The following WDR19 variants were observed in gnomAD, a reference collection of about 807,000 sequenced individuals.
WDR19 encodes WD repeat domain 19.
WDR19 carries 121 observed loss-of-function variants against 180.0 expected under a neutral mutation model. That is an observed-to-expected ratio of 0.67 (90% confidence interval 0.58 to 0.78). The LOEUF is 0.78. Among genes scored for constraint, WDR19 ranks in the 30% least tolerant of loss-of-function variants. The pLI is 0.00. For synonymous variants in WDR19, 497 were observed against 540.7 expected (o/e 0.92, Z 1.12); for missense variants, 1,450 against 1,640.7 (o/e 0.88, Z 2.01).
At chr4:39,198,593 C>A (rs1299426691) in intron 5 of WDR19, among the ~76,000 whole-genome samples, 1 of 142,068 alleles carries the variant, frequency 7.0e-6, no homozygotes, top group African/African-American at 2.6e-5. Flanking sequence ...GAGCCAGGCA[C>A]GGTGACTCGC....
intron 33 of WDR19, among the ~76,000 whole-genome samples, chr4:39,275,759 T>C (rs907037651): frequency 2.0e-5 from 3 of 152,110 alleles, no homozygotes; most frequent in Non-Finnish European, 4.4e-5. Context: ...GGCAAGGAGA[T>C]GGAGAGAAGC....
chr4:39,189,808 G>A (rs755485957), intron 4 of WDR19, 27 bp downstream of exon 4: 2 of 1,582,668 alleles, frequency 1.3e-6, no homozygotes, highest in African/African-American at 2.7e-5. Context: ...ATTTTTTAAA[G>A]CTTCACTTAG....
intron 14 of WDR19, among the ~76,000 whole-genome samples, chr4:39,223,926 C>T (rs1400222754): frequency 1.3e-5 from 2 of 152,038 alleles, no homozygotes; most frequent in East Asian, 1.9e-4. Flanking sequence ...GATATTAAAC[C>T]TTTATATCAG....
At chr4:39,212,731 G>A (rs969010339) in intron 9 of WDR19, among the ~76,000 whole-genome samples, 1 of 152,086 alleles carries the variant, frequency 6.6e-6, no homozygotes, top group Non-Finnish European at 1.5e-5. Flanking sequence ...AATATGTAAA[G>A]GACTCTCAAG....
intron 9 of WDR19, among the ~76,000 whole-genome samples, chr4:39,207,562 C>T (rs572512981): frequency 6.6e-6 from 1 of 152,170 alleles, no homozygotes; most frequent in African/African-American, 2.4e-5. Flanking sequence ...ATTTTCTCAC[C>T]GTAAAGCATT....
At position 39,285,671 on chromosome 4, in the gene WDR19, ATAT is replaced by A. The variant is rs1400002905; in HGVS notation, c.*203_*205del. 10 of 152,302 alleles carry A rather than the reference ATAT, an allele frequency of 6.6e-5. No individual in the cohort carries two copies. Among genetic ancestry groups the A allele is most frequent in the Admixed American group, 6.5e-4 (10 of 15,296 alleles). 9.4% of individuals were successfully genotyped at this position (152,302 alleles called of 1,614,324 possible). A position where few individuals can be genotyped will look rare whatever the true frequency, so the allele number is the denominator to read the frequency against. On this transcript the variant is annotated 3_prime_UTR_variant, in exon 37 of 37. Coordinates refer to ENST00000399820, the MANE Select transcript of WDR19 (RefSeq NM_025132.4). ...AACCTTGCTGTTTATTGTACTTTGT[ATAT>A]TATTTCCTCTTCAAAGTCTTTCTTA...
chr4:39,227,581 T>C (rs572999359), intron 15 of WDR19, among the ~76,000 whole-genome samples: 23 of 152,306 alleles, frequency 1.5e-4, no homozygotes, highest in African/African-American at 5.5e-4. Flanking sequence ...ATAAGTAATC[T>C]AGAGATGATT....
intron 14 of WDR19, among the ~76,000 whole-genome samples, chr4:39,222,400 GA>G (rs1206556444): frequency 6.6e-6 from 1 of 152,020 alleles, no homozygotes; most frequent in Non-Finnish European, 1.5e-5. Flanking sequence ...TCAAAGAGAA[GA>G]TTTTTTTTAA....
At chr4:39,273,607 C>T (rs1012748029) in intron 32 of WDR19, 1 of 152,558 alleles carries the variant, frequency 6.6e-6, no homozygotes. Context: ...CGGTGAGCCA[C>T]TCATCAGTTC....
chr4:39,240,245 A>G, intron 20 of WDR19, 32 bp from the exon 21 acceptor site: 3 of 1,158,386 alleles, frequency 2.6e-6, no homozygotes, highest in South Asian at 4.4e-5. Context: ...ATATATTAAA[A>G]TTATTAAAAT....
chr4:39,232,919 G>A (rs1015233353), intron 19 of WDR19, among the ~76,000 whole-genome samples: 2 of 152,038 alleles, frequency 1.3e-5, no homozygotes, highest in Admixed American at 6.6e-5. Flanking sequence ...TAAAATGCAT[G>A]GTATTATAAC....
intron 15 of WDR19, among the ~76,000 whole-genome samples, chr4:39,225,804 C>G (rs1475303192): frequency 6.6e-6 from 1 of 152,072 alleles, no homozygotes; most frequent in Non-Finnish European, 1.5e-5. Flanking sequence ...TCTTCCTTTC[C>G]TTTCCTTCCC....
chr4:39,196,870 C>T (rs1726796489), intron 5 of WDR19, among the ~76,000 whole-genome samples: 1 of 152,236 alleles, frequency 6.6e-6, no homozygotes. Flanking sequence ...GCCTCTAACA[C>T]ACTAGGCAAA....
Position 39,281,236 on chromosome 4 carries a change from T to TAGAGAGAGAGAGAGAGAG in WDR19, c.*13+2583_*13+2600dup, listed in dbSNP as rs1553919999. On this transcript the variant is annotated intron_variant, in intron 36 of 36. Transcript: ENST00000399820. ...GTGTGTATATATATATATATATATA[T>TAGAGAGAGAGAGAGAGAG]AGAGAGAGAGAGAGAGAGAGAGAGA... Among the ~76,000 whole-genome samples the TAGAGAGAGAGAGAGAGAG allele has an allele frequency of 2.0e-3, 212 of 103,946 alleles. 2 individuals carry two copies. Among genetic ancestry groups the TAGAGAGAGAGAGAGAGAG allele is most frequent in the African/African-American group, 2.8e-3 (55 of 19,326 alleles). 68.2% of individuals were successfully genotyped at this position (103,946 alleles called of 152,430 possible).
rs368416694 is a variant in WDR19 at position 39,266,282 on chromosome 4, G to A, written c.3261+142G>A. ...AGTGTAGATCATCTAGACCAGGAGCGTCCAATCTTTTTGCTTCCCTGGGTC... is the reference window on the plus strand; with the variant it reads ...AGTGTAGATCATCTAGACCAGGAGCATCCAATCTTTTTGCTTCCCTGGGTC... On this transcript the variant is annotated intron_variant, in intron 29 of 36. Transcript: ENST00000399820. 1,160 of 575,234 alleles carry A rather than the reference G, an allele frequency of 2.0e-3. 7 individuals are homozygous for A. Among genetic ancestry groups the A allele is most frequent in the South Asian group, 9.8e-3 (224 of 22,746 alleles). The allele number at this position is 575,234 out of a possible 1,614,324, so 35.6% of individuals were successfully genotyped here.
chr4:39,277,249 C>G, intron 34 of WDR19, 106 bp downstream of exon 34: 3 of 1,245,870 alleles, frequency 2.4e-6, no homozygotes, highest in Non-Finnish European at 3.2e-6. Context: ...TAATCTTATC[C>G]CTCAAATTTC....
At chr4:39,248,996 A>C (rs975133910) in intron 24 of WDR19, among the ~76,000 whole-genome samples, 2 of 152,208 alleles carry the variant, frequency 1.3e-5, no homozygotes, top group African/African-American at 4.8e-5. Context: ...GCTCTGCACC[A>C]AGCAGACCTA....
At chr4:39,246,041 A>G (rs1732483435) in intron 24 of WDR19, among the ~76,000 whole-genome samples, 1 of 152,240 alleles carries the variant, frequency 6.6e-6, no homozygotes, top group Non-Finnish European at 1.5e-5. Context: ...AGACAAGAAC[A>G]CAAGCGCCAG....
chr4:39,204,246 C>A (rs1271283609), intron 7 of WDR19, among the ~76,000 whole-genome samples: 1 of 152,014 alleles, frequency 6.6e-6, no homozygotes, highest in Non-Finnish European at 1.5e-5. Flanking sequence ...CCACGACACC[C>A]AGCTAATTTT....
Sources: allele counts gnomAD v4.1 joint callset (sites outside exome capture counted in the v4.1 genomes callset), GRCh38; gene constraint gnomAD v4.1.1; transcripts MANE v1.5; gene names NCBI Gene and HGNC (gene_info 2026-07-23, HGNC 2026-07-21).